PTPDC1: variants seen among roughly 807,000 people sequenced by gnomAD.
The protein encoded by PTPDC1 is protein tyrosine phosphatase domain containing 1, also known as protein tyrosine phosphatase domain-containing protein 1.
Under a neutral mutation model 75.3 loss-of-function variants are expected in PTPDC1, and 53 were observed. That is an observed-to-expected ratio of 0.70 (90% CI 0.56 to 0.88). The LOEUF is 0.88. PTPDC1 is among the 40% of genes least tolerant of loss of function. The pLI is 0.00. For missense variants in PTPDC1, 925 were observed against 998.6 expected (o/e 0.93, Z 0.99); for synonymous variants, 349 against 366.2 (o/e 0.95, Z 0.54).
At chr9:94,061,804 C>T (rs968627050) in intron 1 of PTPDC1, among the ~76,000 whole-genome samples, 5 of 152,248 alleles carry the variant, frequency 3.3e-5, no homozygotes, top group Admixed American at 6.5e-5. Flanking sequence ...ACCATCCTTT[C>T]CTCCTAGGCC....
chr9:94,076,877 G>C (rs1443532245), intron 2 of PTPDC1, among the ~76,000 whole-genome samples: 6 of 152,054 alleles, frequency 3.9e-5, no homozygotes. Context: ...AGCCATCCTA[G>C]TAGGTATGAA....
At chr9:94,060,305 C>G (rs1032328091) in intron 1 of PTPDC1, among the ~76,000 whole-genome samples, 3 of 152,170 alleles carry the variant, frequency 2.0e-5, no homozygotes, top group Non-Finnish European at 4.4e-5. Context: ...GTCACTGTTA[C>G]TGTTTAGACA....
intron 1 of PTPDC1, among the ~76,000 whole-genome samples, chr9:94,060,311 A>G (rs2079951558): frequency 6.6e-6 from 1 of 152,242 alleles, no homozygotes; most frequent in South Asian, 2.1e-4. Context: ...GTTACTGTTT[A>G]GACAAAGATA....
At chr9:94,083,279 G>A (rs1433759483), upstream of PTPDC1, among the ~76,000 whole-genome samples, 1 of 152,158 alleles carries the variant, frequency 6.6e-6, no homozygotes, top group Non-Finnish European at 1.5e-5. Flanking sequence ...CGACAGGAAA[G>A]CTGTGCTTTC....
chr9:94,088,359 A>AATACCTTCTGCATCAT, intron 4 of PTPDC1, 96 bp downstream of exon 4: 2 of 1,386,472 alleles, frequency 1.4e-6, no homozygotes. Context: ...GATGGAAATA[A>AATACCTTCTGCATCAT]ATACCTTCTG....
intron 1 of PTPDC1, among the ~76,000 whole-genome samples, chr9:94,049,212 T>A (rs1564010987): frequency 6.6e-6 from 1 of 152,164 alleles, no homozygotes; most frequent in Non-Finnish European, 1.5e-5. Flanking sequence ...ACATTTAAGG[T>A]TAATATTGTT....
intron 4 of PTPDC1, among the ~76,000 whole-genome samples, chr9:94,095,038 C>A (rs539303855): frequency 6.6e-6 from 1 of 152,364 alleles, no homozygotes; most frequent in Admixed American, 6.5e-5. Context: ...CACCCGTCTT[C>A]TGCGTCGCTC....
At chr9:94,069,271 G>T (rs1283061957) in intron 2 of PTPDC1, among the ~76,000 whole-genome samples, 1 of 152,030 alleles carries the variant, frequency 6.6e-6, no homozygotes, top group East Asian at 1.9e-4. Flanking sequence ...CAGGGGATTG[G>T]TTCCAGGACC....
chr9:94,088,390 A>T, intron 4 of PTPDC1, 127 bp downstream of exon 4: 1 of 1,091,422 alleles, frequency 9.2e-7, no homozygotes, highest in South Asian at 1.8e-5. Flanking sequence ...AGGTTTAGAA[A>T]AAATGAGCTA....
At chr9:94,085,117 T>G in intron 1 of PTPDC1, 134 bp from the exon 2 acceptor site, 2 of 764,136 alleles carry the variant, frequency 2.6e-6, no homozygotes, top group Non-Finnish European at 2.1e-6. Flanking sequence ...ACAGTTTTGT[T>G]TTCTTGACAA....
chr9:94,104,423 G>A, intron 8 of PTPDC1, 38 bp downstream of exon 8: 1 of 1,329,334 alleles, frequency 7.5e-7, no homozygotes, highest in Non-Finnish European at 1.1e-6. Flanking sequence ...CTGAACCACA[G>A]ATCAGCATCA....
intron 1 of PTPDC1, among the ~76,000 whole-genome samples, chr9:94,053,951 T>G (rs1457326280): frequency 6.6e-6 from 1 of 152,196 alleles, no homozygotes; most frequent in Non-Finnish European, 1.5e-5. Flanking sequence ...AGAGATTAAG[T>G]GATGATAGTT....
At chr9:94,053,259 T>A (rs1030598536) in intron 1 of PTPDC1, among the ~76,000 whole-genome samples, 1 of 152,010 alleles carries the variant, frequency 6.6e-6, no homozygotes, top group Non-Finnish European at 1.5e-5. Flanking sequence ...CTGTCACTCC[T>A]TTCCCCAGGA....
At chr9:94,062,819 A>T (rs117563449) in intron 1 of PTPDC1, among the ~76,000 whole-genome samples, 2 of 152,328 alleles carry the variant, frequency 1.3e-5, no homozygotes, top group East Asian at 3.9e-4. Context: ...TCCAAACCAT[A>T]TTAGACATGT....
intron 2 of PTPDC1, among the ~76,000 whole-genome samples, chr9:94,072,506 C>T (rs1288972482): frequency 1.3e-5 from 2 of 150,850 alleles, no homozygotes; most frequent in African/African-American, 5.0e-5. Flanking sequence ...TCCTCTTTTC[C>T]AATTCATATG....
chr9:94,092,982 G>T (rs1314897265), intron 4 of PTPDC1, among the ~76,000 whole-genome samples: 1 of 151,114 alleles, frequency 6.6e-6, no homozygotes, highest in African/African-American at 2.4e-5. Flanking sequence ...ATGTGTCTCT[G>T]CACGTGAGAT....
intron 2 of PTPDC1, among the ~76,000 whole-genome samples, chr9:94,076,722 G>A (rs995741751): frequency 1.3e-5 from 2 of 152,062 alleles, no homozygotes; most frequent in African/African-American, 2.4e-5. Context: ...TGGGTCATAT[G>A]GTAACTCTGT....
chr9:94,043,901 A>G (rs759253285), intron 1 of PTPDC1, among the ~76,000 whole-genome samples: 22 of 152,202 alleles, frequency 1.4e-4, no homozygotes, highest in Admixed American at 3.3e-4. Context: ...GTCTTGCATC[A>G]TTTGTTGAAA....
In PTPDC1 at chr9:94,098,351, C is replaced by T. The variant is rs780801431; in HGVS notation, c.1785C>T (p.Asn595=). 5.6e-6 allele frequency: 9 copies of T among 1,614,084 alleles called. No individual in the cohort carries two copies. The Admixed American group carries it at 1.3e-4, about 24-fold the overall frequency. Residue 595 remains asparagine (N), a synonymous_variant, in exon 6 of 9, where the codon AAC becomes AAT. Coordinates refer to ENST00000620992, the MANE Select transcript of PTPDC1 (RefSeq NM_001253829.2). ...GGAGCCCTGGCTCTGTCAGGCAGAA[C>T]AGCAGGACACCCCGAAGCCCTCTGG... The part of the protein sequence containing the change: ...GVGSPGSVRQ[N]SRTPRSPLDC...
Sources: gnomAD v4.1 joint callset for allele counts (sites outside exome capture counted in the v4.1 genomes callset) on GRCh38, gnomAD v4.1.1 for gene constraint, MANE v1.5 for transcripts, NCBI Gene and HGNC (gene_info 2026-07-23, HGNC 2026-07-21) for gene names.